FAM81A: variants seen among roughly 807,000 people sequenced by gnomAD.
FAM81A encodes the protein family with sequence similarity 81 member A, also known as protein FAM81A.
In FAM81A, 19 loss-of-function variants were observed where a neutral mutation model predicts 46.7. That is an observed-to-expected ratio of 0.41 (90% CI 0.28 to 0.60). FAM81A has a LOEUF of 0.60. Ranked by LOEUF, FAM81A falls within the 20% of genes least tolerant of loss-of-function variation. FAM81A has a pLI of 0.34. For missense variants in FAM81A, 377 were observed against 453.5 expected (o/e 0.83, Z 1.53); for synonymous variants, 183 against 152.9 (o/e 1.20, Z -1.45).
chr15:59,521,304 G>A lies in FAM81A; in HGVS notation c.1033G>A (p.Ala345Thr). The A allele has an allele frequency of 1.9e-6, 3 of 1,613,798 alleles. No individual in the cohort carries two copies. Among genetic ancestry groups the A allele is most frequent in the Non-Finnish European group, 2.5e-6 (3 of 1,179,806 alleles). ...SIGSLRQVLE[A>T]KMKLDRDQLQ... ...AGGATCCCTCAGGCAAGTTCTCGAG[G>A]CCAAGATGAAGCTGGACAGGGACCA... Residue 345 changes from alanine (A) to threonine (T), a missense_variant, in exon 9 of 9, where the codon GCC (alanine) becomes ACC (threonine). Coordinates refer to ENST00000288228, the MANE Select transcript of FAM81A (RefSeq NM_152450.3).
intron 2 of FAM81A, among the ~76,000 whole-genome samples, chr15:59,431,843 C>T (rs1301819185): frequency 5.9e-5 from 9 of 152,152 alleles, no homozygotes; most frequent in African/African-American, 1.9e-4. Flanking sequence ...CCTGAGTCTA[C>T]AGTGATGAAA....
intron 1 of FAM81A, among the ~76,000 whole-genome samples, chr15:59,443,062 G>A (rs562993661): frequency 3.5e-4 from 54 of 152,190 alleles, no homozygotes; most frequent in African/African-American, 1.3e-3. Context: ...CATGGCAAAA[G>A]AGGAGAAAAA....
chr15:59,513,427 G>A (rs965906945), intron 6 of FAM81A, among the ~76,000 whole-genome samples: 1 of 152,154 alleles, frequency 6.6e-6, no homozygotes, highest in East Asian at 1.9e-4. Context: ...GAACTGCCGG[G>A]GTCTGTGGCT....
chr15:59,504,594 C>T (rs1432960692), intron 4 of FAM81A, among the ~76,000 whole-genome samples: 1 of 152,154 alleles, frequency 6.6e-6, no homozygotes, highest in African/African-American at 2.4e-5. Flanking sequence ...TTGTTTTTTG[C>T]ACCCTACTCC....
chr15:59,495,635 C>A (rs1455793350), intron 4 of FAM81A, among the ~76,000 whole-genome samples: 1 of 152,216 alleles, frequency 6.6e-6, no homozygotes, highest in Non-Finnish European at 1.5e-5. Context: ...ACATTGCCCC[C>A]AGCAGTGTCT....
intron 1 of FAM81A, among the ~76,000 whole-genome samples, chr15:59,399,954 A>G (rs2081063111): frequency 1.3e-5 from 2 of 152,192 alleles, no homozygotes; most frequent in Admixed American, 1.3e-4. Flanking sequence ...AAGTATCTTC[A>G]GTGAGTAACT....
chr15:59,454,651 G>T (rs1438593638), intron 1 of FAM81A, among the ~76,000 whole-genome samples: 1 of 151,554 alleles, frequency 6.6e-6, no homozygotes, highest in Non-Finnish European at 1.5e-5. Context: ...TTTGAGACAG[G>T]GTCTTACTCT....
At chr15:59,448,613 A>G (rs2081377610) in intron 1 of FAM81A, among the ~76,000 whole-genome samples, 2 of 151,956 alleles carry the variant, frequency 1.3e-5, no homozygotes, top group African/African-American at 4.8e-5. Flanking sequence ...TTACCTTAAC[A>G]TTATATAGCA....
chr15:59,421,758 T>A (rs1354779496), intron 2 of FAM81A, among the ~76,000 whole-genome samples: 9 of 150,548 alleles, frequency 6.0e-5, no homozygotes, highest in African/African-American at 2.0e-4. Flanking sequence ...TATCTATCTA[T>A]CTATCTATCT....
intron 2 of FAM81A, among the ~76,000 whole-genome samples, chr15:59,432,986 C>CA (rs1391291825): frequency 7.0e-6 from 1 of 142,046 alleles, no homozygotes; most frequent in African/African-American, 2.6e-5. Context: ...AAAAAAAATA[C>CA]AAAAAATTAG....
At chr15:59,493,827 A>G (rs1463256542) in intron 4 of FAM81A, among the ~76,000 whole-genome samples, 1 of 152,132 alleles carries the variant, frequency 6.6e-6, no homozygotes, top group Non-Finnish European at 1.5e-5. Context: ...ACCTCAGGTG[A>G]TCCGCCCACC....
At chr15:59,502,041 T>A (rs1050200473) in intron 4 of FAM81A, among the ~76,000 whole-genome samples, 3 of 151,888 alleles carry the variant, frequency 2.0e-5, no homozygotes, top group African/African-American at 7.2e-5. Context: ...TTATAAAAAA[T>A]TACAAAACTC....
chr15:59,474,900 T>C (rs2081746285), intron 3 of FAM81A, among the ~76,000 whole-genome samples: 1 of 152,200 alleles, frequency 6.6e-6, no homozygotes, highest in Admixed American at 6.5e-5. Flanking sequence ...AACCTGATCT[T>C]CTATAATCGA....
At chr15:59,472,977 G>A (rs2081716426) in intron 3 of FAM81A, among the ~76,000 whole-genome samples, 1 of 152,178 alleles carries the variant, frequency 6.6e-6, no homozygotes, top group African/African-American at 2.4e-5. Flanking sequence ...GCAACCCTAA[G>A]TTGACAACTG....
At chr15:59,499,223 CT>C (rs1184380391) in intron 4 of FAM81A, among the ~76,000 whole-genome samples, 4 of 151,980 alleles carry the variant, frequency 2.6e-5, no homozygotes, top group Non-Finnish European at 5.9e-5. Context: ...ATATATAATC[CT>C]TTTTTTATAT....
At chr15:59,445,858 G>A (rs937385599) in intron 1 of FAM81A, among the ~76,000 whole-genome samples, 6 of 152,184 alleles carry the variant, frequency 3.9e-5, no homozygotes, top group African/African-American at 1.4e-4. Context: ...CTTTTCTAAT[G>A]CTAGAAAGAA....
upstream of FAM81A, among the ~76,000 whole-genome samples, chr15:59,434,130 C>G (rs572143507): frequency 6.6e-6 from 1 of 152,290 alleles, no homozygotes; most frequent in South Asian, 2.1e-4. Context: ...GCTGGGATTA[C>G]AGGTGTGAGG....
intron 4 of FAM81A, among the ~76,000 whole-genome samples, chr15:59,500,078 C>T (rs1596533024): frequency 6.6e-6 from 1 of 152,156 alleles, no homozygotes; most frequent in Middle Eastern, 3.4e-3. Context: ...GTCTCAAACT[C>T]CTGGCCTCAA....
chr15:59,437,242 C>G (rs1351411086), upstream of FAM81A, among the ~76,000 whole-genome samples: 4 of 152,058 alleles, frequency 2.6e-5, no homozygotes, highest in Non-Finnish European at 5.9e-5. Context: ...GGCTCCTTCC[C>G]CTGGGTTGGA....
Sources: gnomAD v4.1 joint callset for allele counts (sites outside exome capture counted in the v4.1 genomes callset) on GRCh38, gnomAD v4.1.1 for gene constraint, MANE v1.5 for transcripts, NCBI Gene and HGNC (gene_info 2026-07-23, HGNC 2026-07-21) for gene names.